TICRR: variants seen among roughly 807,000 people sequenced by gnomAD.
TICRR encodes the protein TOPBP1 interacting checkpoint and replication regulator.
A neutral mutation model predicts 178.1 loss-of-function variants in TICRR; 132 were observed. The observed-to-expected ratio is 0.74, with a 90% confidence interval of 0.64 to 0.86. TICRR has a LOEUF of 0.86. TICRR is among the 40% of genes least tolerant of loss of function. The pLI, the probability that TICRR is intolerant of heterozygous loss-of-function variation, is 0.00. For synonymous variants in TICRR, 991 were observed against 900.7 expected (o/e 1.10, Z -1.79); for missense variants, 2,587 against 2,334.3 (o/e 1.11, Z -2.23).
In TICRR at chr15:89,625,346, C is replaced by T. The variant is rs1047252630; in HGVS notation, c.5036C>T (p.Pro1679Leu). 1.1e-5 allele frequency: 17 copies of T among 1,613,948 alleles called. No homozygotes were observed. The Admixed American group carries it at 1.8e-4, about 17-fold the overall frequency. ...PSPKHSGKTT[P>L]DIIKDWPRRK... ...CCCAAGCACAGTGGGAAGACAACTC[C>T]AGACATAATTAAAGACTGGCCCAGG... is the stretch of plus-strand genomic sequence containing the variant. Residue 1679 changes from proline to leucine, a missense_variant, in exon 20 of 22, where the codon CCA (proline) becomes CTA (leucine). Physicochemically the swap from Pro to Leu is moderately conservative, Grantham distance 98 (BLOSUM62 -3). Transcript: ENST00000268138.
At chr15:89,601,171 A>G (rs1963088406) in intron 9 of TICRR, 127 bp from the exon 10 acceptor site, 1 of 664,214 alleles carries the variant, frequency 1.5e-6, no homozygotes, top group African/African-American at 1.8e-5. Context: ...ATCAGTTTTT[A>G]GAAAAGGCAC....
rs748213601 is a variant in TICRR, at chr15:89,595,453, T to A, written c.1742T>A (p.Met581Lys). Reference sequence around the variant, plus strand: ...AATACCATGTGCCGTTCCTTAAAGATGTTGAATGTCGCAAGGCTGAATGTG... The same window carrying A: ...AATACCATGTGCCGTTCCTTAAAGAAGTTGAATGTCGCAAGGCTGAATGTG... ...KMNTMCRSLK[M>K]LNVARLNVKA... Residue 581 changes from methionine (M) to lysine (K), a missense_variant, in exon 7 of 22, where the codon ATG becomes AAG. By Grantham distance (95) the Met-to-Lys change is moderately conservative. Transcript: ENST00000268138. The A allele has an allele frequency of 2.5e-6, 4 of 1,614,072 alleles. No individual in the cohort carries two copies. The highest frequency in any genetic ancestry group is 1.3e-5 in the African/African-American group (1 of 75,018).
rs147737452 is a variant in TICRR, at chr15:89,618,334, C to T, written c.3019+124C>T. ...AGAAATTGTGATGGCTCTGAGTCCA[C>T]AATGCAGCTCAGTAAATATTTATAA... On this transcript the variant is annotated intron_variant, in intron 17 of 21. Coordinates refer to ENST00000268138, the MANE Select transcript of TICRR (RefSeq NM_152259.4). The T allele has an allele frequency of 3.4e-4, 276 of 817,592 alleles. 1 individual carries two copies. The African/African-American group carries it at 4.0e-3, about 12-fold the overall frequency. The allele number at this position is 817,592 out of a possible 1,614,324, so 50.6% of individuals were successfully genotyped here.
chr15:89,586,315 T>C (rs371423407), intron 4 of TICRR, among the ~76,000 whole-genome samples: 2 of 152,134 alleles, frequency 1.3e-5, no homozygotes, highest in Admixed American at 1.3e-4. Flanking sequence ...ATGTTAGTAT[T>C]ACAAACCTTA....
chr15:89,616,523 T>TCATA (rs916471696), intron 16 of TICRR, 28 bp downstream of exon 16: 1 of 1,593,270 alleles, frequency 6.3e-7, no homozygotes, highest in Non-Finnish European at 8.6e-7. Flanking sequence ...CCGGGCTTCT[T>TCATA]CATACACCCA....
intron 7 of TICRR, among the ~76,000 whole-genome samples, chr15:89,596,166 G>A (rs1567043652): frequency 6.6e-6 from 1 of 152,186 alleles, no homozygotes; most frequent in Non-Finnish European, 1.5e-5. Flanking sequence ...AATTCCGTGA[G>A]AAAGACATAA....
rs1444422725 is a variant in TICRR, at chr15:89,576,179, G to A, written c.593G>A (p.Arg198Gln). ...GAGAAGTTGTTGCCCAAGAGAGTCC[G>A]GGAAGTCATGGTCGCCCGAAAAATC... ...VMEKLLPKRVREVMVARKITF... is the reference protein window; with the variant it reads ...VMEKLLPKRVQEVMVARKITF... Residue 198 changes from arginine (R) to glutamine (Q), a missense_variant, in exon 1 of 22, where the codon CGG becomes CAG. By Grantham distance (43) the Arg-to-Gln change is conservative. Coordinates refer to ENST00000268138, the MANE Select transcript of TICRR (RefSeq NM_152259.4). The A allele has an allele frequency of 6.2e-7, 1 of 1,600,952 alleles. No individual in the cohort carries two copies.
At chr15:89,581,884 A>T (rs1486183978) in intron 1 of TICRR, among the ~76,000 whole-genome samples, 1 of 152,116 alleles carries the variant, frequency 6.6e-6, no homozygotes, top group East Asian at 1.9e-4. Context: ...AGGGCAAAAG[A>T]TGCCACGAGG....
chr15:89,618,290 A>C (rs1963368142), intron 17 of TICRR, 80 bp downstream of exon 17: 2 of 1,263,440 alleles, frequency 1.6e-6, no homozygotes, highest in Admixed American at 1.7e-5. Context: ...GTTACTTGGC[A>C]TATCCTAAGA....
rs1963549075 is a variant in TICRR at position 89,627,245 on chromosome 15, C to CCAT, written c.*161_*163dup. 2 of 829,716 alleles carry CCAT rather than the reference C, an allele frequency of 2.4e-6. No individual in the cohort carries two copies. The highest frequency in any genetic ancestry group is 3.7e-6 in the Non-Finnish European group (2 of 545,794). 51.4% of individuals were successfully genotyped at this position (829,716 alleles called of 1,614,324 possible). A position where few individuals can be genotyped will look rare whatever the true frequency, so the allele number is the denominator to read the frequency against. On this transcript the variant is annotated 3_prime_UTR_variant, in exon 22 of 22. Coordinates refer to ENST00000268138, the MANE Select transcript of TICRR (RefSeq NM_152259.4). ...TTCTAATTCCCCTTATGGATCCAATCCATCTCCTGGCCCTGCCCCTTGTTG... is the reference window on the plus strand; with the variant it reads ...TTCTAATTCCCCTTATGGATCCAATCCATCATCTCCTGGCCCTGCCCCTTGTTG...
chr15:89,599,701 A>G (rs1052293637), intron 8 of TICRR, among the ~76,000 whole-genome samples: 1 of 152,212 alleles, frequency 6.6e-6, no homozygotes, highest in African/African-American at 2.4e-5. Context: ...ATTACATATA[A>G]TTCTCTCCTA....
chr15:89,624,935 A>G lies in TICRR; in HGVS notation c.4625A>G (p.Asn1542Ser). ...RQCQASAQLD[N>S]LPASAWHSTD... ...TGCCAGGCTTCGGCACAACTAGACA[A>G]CCTGCCAGCATCAGCTTGGCATTCC... Residue 1542 changes from asparagine (N) to serine (S), a missense_variant, in exon 20 of 22, where the codon AAC (asparagine) becomes AGC (serine). By Grantham distance (46) the Asn-to-Ser change is conservative (BLOSUM62 1). Transcript: ENST00000268138. The G allele has an allele frequency of 1.2e-6, 2 of 1,613,980 alleles. No individual in the cohort carries two copies. The highest frequency in any genetic ancestry group is 1.7e-6 in the Non-Finnish European group (2 of 1,180,016).
chr15:89,581,524 C>A (rs1962725394), intron 1 of TICRR, among the ~76,000 whole-genome samples: 1 of 152,092 alleles, frequency 6.6e-6, no homozygotes, highest in South Asian at 2.1e-4. Flanking sequence ...AGCGTAATAA[C>A]CATTCAGTTG....
At chr15:89,581,899 G>A (rs564583440) in intron 1 of TICRR, among the ~76,000 whole-genome samples, 4 of 152,140 alleles carry the variant, frequency 2.6e-5, no homozygotes, top group African/African-American at 9.7e-5. Context: ...ACGAGGCCTC[G>A]GTTTGTCTCG....
intron 19 of TICRR, among the ~76,000 whole-genome samples, chr15:89,623,008 C>A (rs572470430): frequency 6.6e-6 from 1 of 152,216 alleles, no homozygotes; most frequent in African/African-American, 2.4e-5. Flanking sequence ...AGTCCCCTGA[C>A]GGGATGAAGG....
At position 89,601,920 on chromosome 15, in the gene TICRR, C is replaced by G; in HGVS notation, c.2511C>G (p.Gly837=). 1 of 1,614,114 alleles carries G rather than the reference C, an allele frequency of 6.2e-7. No homozygotes were observed. ...FLSSARRSVS[G]SPESDELQEL... ...CAAGTGCTCGTAGATCAGTGTCAGG[C>G]AGCCCTGAATCTGATGAACTGCAGG... is the stretch of plus-strand genomic sequence containing the variant. The change falls in exon 12 of 22, where the codon GGC becomes GGG. Residue 837 remains glycine, a synonymous_variant. Coordinates refer to ENST00000268138, the MANE Select transcript of TICRR (RefSeq NM_152259.4).
Position 89,576,171 on chromosome 15 carries a change from G to T in TICRR, c.585G>T (p.Lys195Asn), listed in dbSNP as rs200929837. ...AGGTGATGGAGAAGTTGTTGCCCAAGAGAGTCCGGGAAGTCATGGTCGCCC... is the reference window on the plus strand; with the variant it reads ...AGGTGATGGAGAAGTTGTTGCCCAATAGAGTCCGGGAAGTCATGGTCGCCC... ...PKQVMEKLLP[K>N]RVREVMVARK... The change falls in exon 1 of 22, where the codon AAG (lysine) becomes AAT (asparagine). Residue 195 changes from lysine (K) to asparagine (N), a missense_variant. Transcript: ENST00000268138. The T allele has an allele frequency of 2.0e-4, 324 of 1,602,970 alleles. 2 individuals carry two copies. In the African/African-American group the frequency reaches 4.1e-3, roughly 20 times the overall value.
intron 12 of TICRR, among the ~76,000 whole-genome samples, chr15:89,602,189 T>C (rs183138775): frequency 6.6e-6 from 1 of 152,330 alleles, no homozygotes; most frequent in East Asian, 1.9e-4. Flanking sequence ...ATGTTTTGCT[T>C]AACAACAGGG....
intron 13 of TICRR, among the ~76,000 whole-genome samples, chr15:89,604,285 C>T (rs1461445551): frequency 1.3e-5 from 2 of 152,194 alleles, no homozygotes; most frequent in Non-Finnish European, 1.5e-5. Context: ...ATGGTGTTCA[C>T]TTTCTTATAC....
Sources: gnomAD v4.1 joint callset for allele counts (sites outside exome capture counted in the v4.1 genomes callset) on GRCh38, gnomAD v4.1.1 for gene constraint, MANE v1.5 for transcripts, NCBI Gene and HGNC (gene_info 2026-07-23, HGNC 2026-07-21) for gene names.